Variants in PANK1 observed in about 807,000 individuals in gnomAD.
PANK1 encodes pantothenate kinase 1, also known as pantothenic acid kinase 1.
PANK1 carries 18 observed loss-of-function variants against 40.1 expected under a neutral mutation model. The ratio of observed to expected loss-of-function variants is 0.45; its 90% CI spans 0.31 to 0.67. The LOEUF (loss-of-function observed/expected upper bound fraction) is 0.67, where lower values mean the gene tolerates loss of function less well. Among genes scored for constraint, PANK1 ranks in the 30% least tolerant of loss-of-function variants. The pLI, the probability that PANK1 is intolerant of heterozygous loss-of-function variation, is 0.06. For missense variants in PANK1, 457 were observed against 599.6 expected (o/e 0.76, Z 2.48); for synonymous variants, 242 against 237.7 (o/e 1.02, Z -0.17).
rs148063189 is a variant in PANK1 at position 89,599,433 on chromosome 10, C to T, written c.718G>A (p.Val240Ile). The T allele has an allele frequency of 1.4e-4, 233 of 1,613,728 alleles. No individual in the cohort carries two copies. The African/African-American group carries it at 2.6e-3, about 18-fold the overall frequency. Reference protein sequence around the residue: ...LIQGLLYVDSVGFNGKPECYY... With the variant: ...LIQGLLYVDSIGFNGKPECYY... ...CATTCTGGCTTGCCGTTGAAGCCAA[C>T]AGAGTCGACATAAAGCAGGCCCTGA... The change falls in exon 3 of 7, where the codon GTT (valine) becomes ATT (isoleucine). Residue 240 changes from valine (V) to isoleucine (I), a missense_variant. Physicochemically the swap from Val to Ile is conservative, Grantham distance 29 (BLOSUM62 3). This residue lies in a region of PANK1 where 286 missense variants were observed against 415.8 expected (regional missense o/e 0.69). Coordinates refer to ENST00000307534, the MANE Select transcript of PANK1 (RefSeq NM_148977.3).
At chr10:89,619,003 G>T (rs1005530069) in intron 1 of PANK1, among the ~76,000 whole-genome samples, 1 of 152,080 alleles carries the variant, frequency 6.6e-6, no homozygotes, top group East Asian at 1.9e-4. Context: ...AATCCTTCGC[G>T]GTTTTTAAAG....
At chr10:89,593,641 A>G (rs1844475493) in intron 4 of PANK1, among the ~76,000 whole-genome samples, 172 bp downstream of exon 4, 2 of 152,180 alleles carry the variant, frequency 1.3e-5, no homozygotes, top group South Asian at 4.1e-4. Flanking sequence ...AAGCATCAAG[A>G]GCTAAACATC....
Position 89,611,718 on chromosome 10 carries a change from T to C in PANK1, c.623A>G (p.Lys208Arg), listed in dbSNP as rs754640745. 10 of 1,608,668 alleles carry C rather than the reference T, an allele frequency of 6.2e-6. No homozygotes were observed. In the South Asian group the frequency reaches 1.1e-4, roughly 18 times the overall value. The change falls in exon 2 of 7, where the codon AAA becomes AGA. Residue 208 changes from lysine to arginine, a missense_variant. Coordinates refer to ENST00000307534, the MANE Select transcript of PANK1 (RefSeq NM_148977.3). ...TACCATTCTGAAGTCCTCTTCGAAT[T>C]TGAAAGCCCCGCCTCCTGTGGCACA... ...TLCATGGGAF[K>R]FEEDFRMIAD...
chr10:89,581,272 T>C (rs1333594307), downstream of PANK1: 1 of 152,196 alleles, frequency 6.6e-6, no homozygotes, highest in African/African-American at 2.4e-5. Flanking sequence ...CGACATCAAG[T>C]ATACATTACC....
chr10:89,587,231 T>C (rs1424719672), intron 6 of PANK1, among the ~76,000 whole-genome samples: 2 of 152,182 alleles, frequency 1.3e-5, no homozygotes, highest in Admixed American at 6.5e-5. Flanking sequence ...TCAAGGCCAA[T>C]AAGCTACTCT....
chr10:89,639,308 C>A (rs1841906303), intron 1 of PANK1: 1 of 383,838 alleles, frequency 2.6e-6, no homozygotes, highest in South Asian at 2.0e-5. Context: ...TTAACCCATA[C>A]ATGAGGGTGA....
chr10:89,616,193 T>G (rs143355724), intron 1 of PANK1, among the ~76,000 whole-genome samples: 1,591 of 152,350 alleles, frequency 0.01, 21 homozygotes, highest in Non-Finnish European at 0.014. Flanking sequence ...CAAAATGGTT[T>G]TCACTCTGGT....
intron 1 of PANK1, 86 bp downstream of exon 1, chr10:89,644,514 G>T: frequency 4.0e-6 from 5 of 1,236,402 alleles, no homozygotes; most frequent in Non-Finnish European, 5.5e-6. Flanking sequence ...GGGGCGTGCT[G>T]CGGCGCCTGC....
At chr10:89,634,613 T>A (rs1841749260) in intron 1 of PANK1, among the ~76,000 whole-genome samples, 1 of 152,212 alleles carries the variant, frequency 6.6e-6, no homozygotes, top group African/African-American at 2.4e-5. Context: ...AATTCTGAAG[T>A]CTTGTTCAAT....
rs565095514 is a variant in PANK1 at position 89,601,122 on chromosome 10, C to CACAAGTACT, written c.646-1626_646-1618dup. On this transcript the variant is annotated intron_variant, in intron 2 of 6. Coordinates refer to ENST00000307534, the MANE Select transcript of PANK1 (RefSeq NM_148977.3). Reference sequence around the variant, plus strand: ...GCTTCTGGAGTCTGGAAACAGCCTACACAAGTACTAGACTCAGATATTTTG... The same window carrying CACAAGTACT: ...GCTTCTGGAGTCTGGAAACAGCCTACACAAGTACTACAAGTACTAGACTCAGATATTTTG... 1.2e-3 allele frequency among the ~76,000 whole-genome samples: 177 copies of CACAAGTACT among 152,090 alleles called. 2 individuals carry two copies. The highest frequency in any genetic ancestry group is 4.0e-3 in the African/African-American group (168 of 41,482).
chr10:89,623,345 C>A (rs1264917918), intron 1 of PANK1, among the ~76,000 whole-genome samples: 1 of 152,064 alleles, frequency 6.6e-6, no homozygotes, highest in Non-Finnish European at 1.5e-5. Context: ...CCTTAGCCTC[C>A]CGAGTAGCTG....
intron 6 of PANK1, 118 bp from the exon 7 acceptor site, chr10:89,584,583 G>A (rs1844137246): frequency 8.9e-6 from 6 of 674,090 alleles, no homozygotes; most frequent in East Asian, 7.6e-5. Flanking sequence ...TAAATTGTGT[G>A]TCACAAAACA....
intron 1 of PANK1, among the ~76,000 whole-genome samples, chr10:89,614,946 G>A (rs1281155187): frequency 6.6e-6 from 1 of 152,062 alleles, no homozygotes; most frequent in African/African-American, 2.4e-5. Flanking sequence ...GAAGGAAGAA[G>A]GAAGGAAGGG....
chr10:89,627,709 G>C (rs559285901), intron 1 of PANK1, among the ~76,000 whole-genome samples: 95 of 152,090 alleles, frequency 6.2e-4, no homozygotes, highest in Admixed American at 1.1e-3. Flanking sequence ...AATCAGACAT[G>C]ACTTAATTAA....
chr10:89,596,400 T>C (rs537464686), intron 3 of PANK1, among the ~76,000 whole-genome samples: 1 of 152,196 alleles, frequency 6.6e-6, no homozygotes, highest in African/African-American at 2.4e-5. Flanking sequence ...TTGGTATAAA[T>C]GAAAAAGGGC....
At chr10:89,603,608 G>A (rs1047260277) in intron 2 of PANK1, among the ~76,000 whole-genome samples, 3 of 152,116 alleles carry the variant, frequency 2.0e-5, no homozygotes, top group African/African-American at 7.2e-5. Context: ...TAACAAGTAG[G>A]GGAAGAGGTA....
intron 1 of PANK1, among the ~76,000 whole-genome samples, chr10:89,635,813 G>C (rs905095390): frequency 2.0e-5 from 3 of 152,224 alleles, no homozygotes; most frequent in Non-Finnish European, 4.4e-5. Context: ...GCAAAGGATA[G>C]ACATTCCCAT....
chr10:89,632,738 G>C lies in PANK1; in HGVS notation c.292+11862C>G, dbSNP rs77272451. Among the ~76,000 whole-genome samples the C allele has an allele frequency of 3.2e-3, 484 of 152,280 alleles. 4 individuals are homozygous for C. Among genetic ancestry groups the C allele is most frequent in the African/African-American group, 0.011 (450 of 41,554 alleles). On this transcript the variant is annotated intron_variant, in intron 1 of 6. Coordinates refer to ENST00000307534, the MANE Select transcript of PANK1 (RefSeq NM_148977.3). ...AACACCTGCTTGGTCTACCTGCTGG[G>C]TAATCCAGCACTAAGCCCAACTACA...
At chr10:89,604,955 G>T (rs2133951644) in intron 2 of PANK1, among the ~76,000 whole-genome samples, 1 of 151,390 alleles carries the variant, frequency 6.6e-6, no homozygotes, top group Non-Finnish European at 1.5e-5. Context: ...GTTTCACCAT[G>T]TTAGCCAGGA....
Sources: allele counts gnomAD v4.1 joint callset (sites outside exome capture counted in the v4.1 genomes callset), GRCh38; gene constraint gnomAD v4.1.1; regional missense constraint gnomAD v4.1.1; transcripts MANE v1.5; gene names NCBI Gene and HGNC (gene_info 2026-07-23, HGNC 2026-07-21).